The following MAST4 variants were observed in gnomAD, a reference collection of about 807,000 sequenced individuals.
The protein encoded by MAST4 is microtubule-associated serine/threonine-protein kinase 4.
In MAST4, 89 loss-of-function variants were observed where a neutral mutation model predicts 162.7. The observed-to-expected ratio is 0.55, with a 90% CI of 0.46 to 0.65. MAST4 has a LOEUF of 0.65. Ranked by LOEUF, MAST4 falls within the 30% of genes least tolerant of loss-of-function variation. The pLI is 0.00. For missense variants in MAST4, 3,153 were observed against 3,374.0 expected (o/e 0.93, Z 1.62); for synonymous variants, 1,479 against 1,361.1 (o/e 1.09, Z -1.91).
intron 4 of MAST4, among the ~76,000 whole-genome samples, chr5:66,930,091 T>C (rs1343603250): frequency 6.6e-6 from 1 of 152,184 alleles, no homozygotes; most frequent in Non-Finnish European, 1.5e-5. Context: ...AGAATTACTT[T>C]CCAAGACCTA....
intron 1 of MAST4, among the ~76,000 whole-genome samples, chr5:66,729,314 A>G (rs186952335): frequency 4.3e-3 from 658 of 152,332 alleles, no homozygotes; most frequent in South Asian, 0.013. Flanking sequence ...TATTGGGGGT[A>G]TATGTGTTAA....
At chr5:66,809,620 A>G (rs1201908432) in intron 3 of MAST4, among the ~76,000 whole-genome samples, 1 of 152,236 alleles carries the variant, frequency 6.6e-6, no homozygotes, top group Non-Finnish European at 1.5e-5. Context: ...AAATCCCAAG[A>G]ATACAGAAAG....
chr5:66,789,768 G>A (rs1755299505), intron 3 of MAST4: 2 of 518,614 alleles, frequency 3.9e-6, no homozygotes, highest in East Asian at 5.4e-5. Context: ...TGAGCAACCT[G>A]GGAGGTACTT....
At chr5:67,084,027 T>TCTCCAAGGGATGTGTTTAACACAC (rs1443705414) in intron 5 of MAST4, among the ~76,000 whole-genome samples, 4 of 152,102 alleles carry the variant, frequency 2.6e-5, no homozygotes, top group Non-Finnish European at 5.9e-5. Flanking sequence ...TTTTAACACA[T>TCTCCAAGGGATGTGTTTAACACAC]CTCCAAGGGA....
chr5:66,745,374 A>G (rs1752691168), intron 1 of MAST4, among the ~76,000 whole-genome samples: 1 of 152,168 alleles, frequency 6.6e-6, no homozygotes, highest in African/African-American at 2.4e-5. Flanking sequence ...ATGGAGTGGG[A>G]GAGACTGCTC....
At chr5:66,771,175 T>C (rs1248827598) in intron 2 of MAST4, among the ~76,000 whole-genome samples, 1 of 151,350 alleles carries the variant, frequency 6.6e-6, no homozygotes, top group African/African-American at 2.5e-5. Context: ...ATATATTTCT[T>C]TCTTTTCTTT....
chr5:67,130,683 G>A (rs932686890), intron 15 of MAST4, among the ~76,000 whole-genome samples: 1 of 151,748 alleles, frequency 6.6e-6, no homozygotes, highest in Admixed American at 6.6e-5. Flanking sequence ...CCTCTCAATT[G>A]GTCATTAAAG....
At chr5:67,038,876 AG>A (rs1317660974) in intron 4 of MAST4, among the ~76,000 whole-genome samples, 3 of 152,222 alleles carry the variant, frequency 2.0e-5, no homozygotes, top group Non-Finnish European at 2.9e-5. Context: ...AAAACATTGC[AG>A]CCTTTTGTAA....
intron 3 of MAST4, among the ~76,000 whole-genome samples, chr5:66,886,093 A>G (rs548359760): frequency 3.9e-5 from 6 of 152,308 alleles, no homozygotes; most frequent in Admixed American, 2.0e-4. Context: ...TCACTTTGGC[A>G]TGCAGACTCC....
At chr5:67,011,279 G>A (rs73766131) in intron 4 of MAST4, among the ~76,000 whole-genome samples, 8,421 of 152,042 alleles carry the variant, frequency 0.055, 721 homozygotes, top group African/African-American at 0.18. Flanking sequence ...GGCCCCACTT[G>A]TTGCTCCTCT....
chr5:67,109,934 C>A (rs1363246218), intron 10 of MAST4, among the ~76,000 whole-genome samples, 164 bp from the exon 11 acceptor site: 1 of 152,118 alleles, frequency 6.6e-6, no homozygotes, highest in Non-Finnish European at 1.5e-5. Flanking sequence ...TAATAGTGTC[C>A]ATTTATATAC....
chr5:66,970,223 G>A (rs915183864), intron 4 of MAST4, among the ~76,000 whole-genome samples: 3 of 152,260 alleles, frequency 2.0e-5, no homozygotes, highest in African/African-American at 7.2e-5. Context: ...GCCACCACCT[G>A]GAGGCTTCCC....
intron 4 of MAST4, among the ~76,000 whole-genome samples, chr5:66,964,734 C>T (rs1746479997): frequency 6.6e-6 from 1 of 152,122 alleles, no homozygotes; most frequent in Admixed American, 6.5e-5. Context: ...ACTCGGGAGG[C>T]GGAGCTTGCA....
At chr5:66,733,333 CAG>C (rs150341961) in intron 1 of MAST4, among the ~76,000 whole-genome samples, 21,167 of 152,000 alleles carry the variant, frequency 0.14, 1,965 homozygotes, top group East Asian at 0.33. Context: ...CACACATGCA[CAG>C]AGTTTTCTAA....
At chr5:67,113,247 G>T (rs1285105356) in intron 11 of MAST4, among the ~76,000 whole-genome samples, 1 of 145,162 alleles carries the variant, frequency 6.9e-6, no homozygotes, top group Non-Finnish European at 1.5e-5. Context: ...CTGGGAGGCG[G>T]AGCTTGCAGT....
rs114926884 is a variant in MAST4, at chr5:67,020,114, C to T, written c.675-34290C>T. Among the ~76,000 whole-genome samples, 1,233 of 152,234 alleles carry T rather than the reference C, an allele frequency of 8.1e-3. 13 individuals carry two copies. Among genetic ancestry groups the T allele is most frequent in the African/African-American group, 0.028 (1,142 of 41,518 alleles). ...TTCAGGCACTGAACTGTACATGTTA[C>T]CTCTACAGTGTCTTTTTGCCCTCAA... On this transcript the variant is annotated intron_variant, in intron 4 of 28. Coordinates refer to ENST00000403625, the MANE Select transcript of MAST4 (RefSeq NM_001164664.2).
intron 4 of MAST4, among the ~76,000 whole-genome samples, chr5:66,956,158 C>T (rs1168767587): frequency 1.3e-5 from 2 of 151,876 alleles, no homozygotes; most frequent in Non-Finnish European, 2.9e-5. Context: ...CCATCTTCCC[C>T]CTCCCCCATT....
chr5:66,730,258 C>A (rs1016631481), intron 1 of MAST4, among the ~76,000 whole-genome samples: 1 of 152,140 alleles, frequency 6.6e-6, no homozygotes, highest in African/African-American at 2.4e-5. Flanking sequence ...AAATCTCCTC[C>A]CTGAAGAGAT....
In MAST4 at chr5:67,152,823, A is replaced by T. The variant is rs1250864615; in HGVS notation, c.3482A>T (p.Tyr1161Phe). The T allele has an allele frequency of 6.2e-7, 1 of 1,614,076 alleles. No individual in the cohort carries two copies. The change falls in exon 25 of 29, where the codon TAT (tyrosine) becomes TTT (phenylalanine). Residue 1161 changes from tyrosine (Y) to phenylalanine (F), a missense_variant. By Grantham distance (22) the Tyr-to-Phe change is conservative. Transcript: ENST00000403625. ...TTTACCATCCGAGCCATCCGGGTGT[A>T]TGTGGGAGACAGTGACATCTATACA... Reference protein sequence around the residue: ...YGFTIRAIRVYVGDSDIYTVH... With the variant: ...YGFTIRAIRVFVGDSDIYTVH...
Sources: allele counts gnomAD v4.1 joint callset (sites outside exome capture counted in the v4.1 genomes callset), GRCh38; gene constraint gnomAD v4.1.1; transcripts MANE v1.5; gene names NCBI Gene and HGNC (gene_info 2026-07-23, HGNC 2026-07-21).